PAQR5: variants seen among roughly 807,000 people sequenced by gnomAD.
PAQR5 encodes the protein membrane progestin receptor gamma.
In PAQR5, 20 loss-of-function variants were observed where a neutral mutation model predicts 34.5. The observed-to-expected ratio is 0.58, with a 90% CI of 0.41 to 0.84. The LOEUF is 0.84. Ranked by LOEUF, PAQR5 falls within the 40% of genes least tolerant of loss-of-function variation. The pLI is 0.00. For synonymous variants in PAQR5, 131 were observed against 155.6 expected (o/e 0.84, Z 1.18); for missense variants, 378 against 412.7 (o/e 0.92, Z 0.73).
intron 2 of PAQR5, among the ~76,000 whole-genome samples, chr15:69,344,198 G>A (rs1398570616): frequency 6.6e-6 from 1 of 152,224 alleles, no homozygotes; most frequent in Non-Finnish European, 1.5e-5. Flanking sequence ...CATGGCTGAT[G>A]TGACGGCTGT....
At chr15:69,388,381 T>C (rs2140952555) in intron 5 of PAQR5, among the ~76,000 whole-genome samples, 1 of 152,328 alleles carries the variant, frequency 6.6e-6, no homozygotes, top group Middle Eastern at 3.4e-3. Context: ...TACCAGGCTT[T>C]GTTCCAAGAT....
chr15:69,349,127 G>A (rs1410370129), intron 2 of PAQR5, among the ~76,000 whole-genome samples: 5 of 152,064 alleles, frequency 3.3e-5, no homozygotes, highest in Non-Finnish European at 5.9e-5. Flanking sequence ...AAATTTGCCC[G>A]TAATGTGGGT....
chr15:69,326,464 C>T (rs2054253701), intron 1 of PAQR5, among the ~76,000 whole-genome samples: 2 of 142,484 alleles, frequency 1.4e-5, no homozygotes, highest in African/African-American at 2.6e-5. Flanking sequence ...GAGATAGGCT[C>T]TCACTCTGTT....
intron 3 of PAQR5, among the ~76,000 whole-genome samples, chr15:69,364,912 A>G (rs554107097): frequency 9.9e-5 from 15 of 151,250 alleles, no homozygotes; most frequent in African/African-American, 3.4e-4. Context: ...TAGTTTTTGT[A>G]TTTTTAGTAG....
chr15:69,377,853 C>T (rs1413109207), intron 3 of PAQR5, among the ~76,000 whole-genome samples: 1 of 152,156 alleles, frequency 6.6e-6, no homozygotes, highest in African/African-American at 2.4e-5. Flanking sequence ...CAAGGCTGGG[C>T]ACAATGGCTC....
At chr15:69,386,700 A>C (rs2056119859) in intron 5 of PAQR5, among the ~76,000 whole-genome samples, 2 of 148,026 alleles carry the variant, frequency 1.4e-5, no homozygotes, top group East Asian at 2.0e-4. Context: ...TGGTCCTTTG[A>C]CCTCTCCTCT....
intron 1 of PAQR5, among the ~76,000 whole-genome samples, chr15:69,323,855 C>T (rs1028400349): frequency 2.6e-5 from 4 of 152,084 alleles, no homozygotes; most frequent in South Asian, 2.1e-4. Context: ...GACAGTATTA[C>T]GAGATTTAGG....
intron 5 of PAQR5, among the ~76,000 whole-genome samples, chr15:69,386,914 C>T (rs1303405339): frequency 2.0e-5 from 3 of 152,154 alleles, no homozygotes; most frequent in African/African-American, 7.2e-5. Flanking sequence ...CGCGCCCCTA[C>T]TCCTTCTCCT....
chr15:69,398,747 A>G (rs904096958), intron 7 of PAQR5, among the ~76,000 whole-genome samples: 1 of 152,228 alleles, frequency 6.6e-6, no homozygotes, highest in South Asian at 2.1e-4. Context: ...AGACAGAGCA[A>G]TTCTGTCCCA....
chr15:69,374,871 G>T (rs2055663150), intron 3 of PAQR5, among the ~76,000 whole-genome samples: 1 of 152,002 alleles, frequency 6.6e-6, no homozygotes, highest in Non-Finnish European at 1.5e-5. Context: ...CTGGATTCTG[G>T]GCAGGGAGGT....
intron 1 of PAQR5, among the ~76,000 whole-genome samples, chr15:69,300,896 C>CTTTCTTT (rs1201854823): frequency 7.1e-5 from 1 of 14,080 alleles, no homozygotes; most frequent in African/African-American, 1.5e-4. Flanking sequence ...TTTCTTTCTT[C>CTTTCTTT]CTTCCTTCCT....
At chr15:69,310,914 C>CTGT (rs905343676) in intron 1 of PAQR5, among the ~76,000 whole-genome samples, 34 of 151,394 alleles carry the variant, frequency 2.2e-4, no homozygotes, top group Admixed American at 2.0e-3. Context: ...TGGCGGGCGC[C>CTGT]TGTAGTCCCA....
At chr15:69,334,122 G>A (rs1326020330) in intron 1 of PAQR5, among the ~76,000 whole-genome samples, 1 of 152,090 alleles carries the variant, frequency 6.6e-6, no homozygotes, top group African/African-American at 2.4e-5. Context: ...CCACCTCCCG[G>A]GTTCAAGTGA....
At position 69,300,943 on chromosome 15, in the gene PAQR5, CTTTCCTTCTTTCTTTCTTTCTT is replaced by C. The variant is rs2053582220; in HGVS notation, c.-277+1889_-277+1910del. On this transcript the variant is annotated intron_variant, in intron 1 of 8. Transcript: ENST00000395407. ...TCTCTCTCTCTCTCTCTCTCTCTTT[CTTTCCTTCTTTCTTTCTTTCTT>C]TCTTTCTTTCTTTCTTTCTTTCTTT... 1.3e-4 allele frequency among the ~76,000 whole-genome samples: 6 copies of C among 44,624 alleles called. 1 individual carries two copies. Among genetic ancestry groups the C allele is most frequent in the Admixed American group, 3.4e-4 (1 of 2,900 alleles). 29.3% of individuals were successfully genotyped at this position (44,624 alleles called of 152,430 possible).
intron 1 of PAQR5, among the ~76,000 whole-genome samples, chr15:69,333,224 C>G (rs1173499801): frequency 6.6e-6 from 1 of 152,006 alleles, no homozygotes; most frequent in Admixed American, 6.6e-5. Flanking sequence ...AGAGGAGGCA[C>G]CACGAACCCC....
At chr15:69,382,659 CATATATATATATATATATAT>C (rs59064870) in intron 4 of PAQR5, among the ~76,000 whole-genome samples, 9,358 of 91,196 alleles carry the variant, frequency 0.1, 1,538 homozygotes, top group East Asian at 0.27. Flanking sequence ...AAAAAAAAAG[CATATATATATATATATATAT>C]ATATATATAT....
chr15:69,398,283 GACA>G (rs1264093929), intron 7 of PAQR5, among the ~76,000 whole-genome samples: 2 of 152,230 alleles, frequency 1.3e-5, no homozygotes, highest in Non-Finnish European at 1.5e-5. Context: ...GTGTAGGAGG[GACA>G]ACAAGTAGGA....
At chr15:69,359,801 A>G in intron 2 of PAQR5, 165 bp from the exon 3 acceptor site, 1 of 367,604 alleles carries the variant, frequency 2.7e-6, no homozygotes, top group African/African-American at 2.1e-5. Context: ...GCACTCTTGG[A>G]GTGGATGACT....
intron 1 of PAQR5, among the ~76,000 whole-genome samples, chr15:69,308,835 C>T (rs1295477142): frequency 6.6e-6 from 1 of 151,920 alleles, no homozygotes; most frequent in Non-Finnish European, 1.5e-5. Flanking sequence ...AGCTTCCTCA[C>T]TGAATGAATG....
Sources: gnomAD v4.1 joint callset for allele counts (sites outside exome capture counted in the v4.1 genomes callset) on GRCh38, gnomAD v4.1.1 for gene constraint, MANE v1.5 for transcripts, NCBI Gene and HGNC (gene_info 2026-07-23, HGNC 2026-07-21) for gene names.